CD244: variants seen among roughly 807,000 people sequenced by gnomAD.
The protein encoded by CD244 is CD244 molecule, also known as natural killer cell receptor 2B4.
A neutral mutation model predicts 45.5 loss-of-function variants in CD244; 20 were observed. The observed-to-expected ratio is 0.44, with a 90% CI of 0.31 to 0.64. The LOEUF is 0.64. Among genes scored for constraint, CD244 ranks in the 30% least tolerant of loss-of-function variants. The pLI, the probability that CD244 is intolerant of heterozygous loss-of-function variation, is 0.08. For synonymous variants in CD244, 185 were observed against 160.5 expected, an observed-to-expected ratio of 1.15 and a Z score of -1.15; for missense variants, 407 against 426.9, an observed-to-expected ratio of 0.95 and a Z score of 0.41.
chr1:160,849,283 C>CTTTTTT (rs371170555), intron 1 of CD244, among the ~76,000 whole-genome samples: 10,260 of 138,994 alleles, frequency 0.074, 378 homozygotes, highest in Non-Finnish European at 0.087. Flanking sequence ...CCATCTCTTT[C>CTTTTTT]TTTTTTTTTT....
At chr1:160,847,010 T>C (rs1396107214) in intron 1 of CD244, among the ~76,000 whole-genome samples, 1 of 143,828 alleles carries the variant, frequency 7.0e-6, no homozygotes, top group East Asian at 2.0e-4. Context: ...GAGAAGGGAA[T>C]CAAAAAGATG....
chr1:160,843,808 A>C (rs1245008624), intron 1 of CD244, among the ~76,000 whole-genome samples: 2 of 152,244 alleles, frequency 1.3e-5, no homozygotes, highest in East Asian at 3.8e-4. Flanking sequence ...TGAGATCAGC[A>C]TTTCTGACTG....
chr1:160,838,873 C>T (rs938277590), intron 4 of CD244, 66 bp downstream of exon 4: 32 of 1,057,082 alleles, frequency 3.0e-5, no homozygotes, highest in African/African-American at 6.3e-5. Context: ...TCCCACTGGA[C>T]GCAGGACAAA....
chr1:160,849,586 C>T (rs1325252995), intron 1 of CD244, among the ~76,000 whole-genome samples: 2 of 152,088 alleles, frequency 1.3e-5, no homozygotes, highest in African/African-American at 2.4e-5. Flanking sequence ...TTGCTGAGAA[C>T]GATGGCTTCC....
intron 1 of CD244, among the ~76,000 whole-genome samples, chr1:160,860,351 A>G (rs1670252806): frequency 6.6e-6 from 1 of 152,254 alleles, no homozygotes; most frequent in Admixed American, 6.5e-5. Context: ...CAATATCATG[A>G]AAGATGAAGA....
At chr1:160,855,666 A>C (rs965295371) in intron 1 of CD244, among the ~76,000 whole-genome samples, 1 of 152,208 alleles carries the variant, frequency 6.6e-6, no homozygotes, top group African/African-American at 2.4e-5. Flanking sequence ...TAGAGGAAAG[A>C]GGCCACAGTC....
At chr1:160,853,018 C>G (rs11265495) in intron 1 of CD244, among the ~76,000 whole-genome samples, 1 of 151,314 alleles carries the variant, frequency 6.6e-6, no homozygotes, top group Admixed American at 6.6e-5. Context: ...AGTGAAACTC[C>G]GTCTCAAAAA....
intron 3 of CD244, among the ~76,000 whole-genome samples, chr1:160,839,553 A>T (rs907642862): frequency 2.6e-5 from 4 of 152,204 alleles, no homozygotes; most frequent in Non-Finnish European, 1.5e-5. Flanking sequence ...TTATTCCCTA[A>T]ACAATACAGT....
In CD244 at chr1:160,841,294, T is replaced by A; in HGVS notation, c.571A>T (p.Thr191Ser). 1 of 1,614,172 alleles carries A rather than the reference T, an allele frequency of 6.2e-7. No homozygotes were observed. Among genetic ancestry groups the A allele is most frequent in the Non-Finnish European group, 8.5e-7 (1 of 1,180,022 alleles). ...DEEVDINGTH[T>S]YTCNVSNPVS... ...GGATTGCTGACATTGCAGGTATATG[T>A]GTGAGTGCCATTAATGTCAACCTCC... The change falls in exon 3 of 9, where the codon ACA (threonine) becomes TCA (serine). Residue 191 changes from threonine to serine, a missense_variant. By Grantham distance (58) the Thr-to-Ser change is moderately conservative. Transcript: ENST00000368034.
At chr1:160,860,761 G>A (rs577335257) in intron 1 of CD244, among the ~76,000 whole-genome samples, 174 of 152,312 alleles carry the variant, frequency 1.1e-3, no homozygotes, top group South Asian at 5.6e-3. Context: ...TTCAAGAATC[G>A]TTTGAACTAT....
In CD244 at chr1:160,853,366, A is replaced by AG. The variant is rs529970815; in HGVS notation, c.61+9250dup. On this transcript the variant is annotated intron_variant, in intron 1 of 8. Transcript: ENST00000368034. ...GTTAGAATGTGATTACCCTTGCAGGAGGGGGGTTATCAACTTGAAGGGCCA... is the reference window on the plus strand; with the variant it reads ...GTTAGAATGTGATTACCCTTGCAGGAGGGGGGGTTATCAACTTGAAGGGCCA... Among the ~76,000 whole-genome samples, 354 of 152,258 alleles carry AG rather than the reference A, an allele frequency of 2.3e-3. 2 individuals carry two copies. The highest frequency in any genetic ancestry group is 2.2e-3 in the Non-Finnish European group (147 of 68,014).
At chr1:160,843,358 C>A (rs1269512717) in intron 1 of CD244, among the ~76,000 whole-genome samples, 1 of 152,144 alleles carries the variant, frequency 6.6e-6, no homozygotes, top group East Asian at 1.9e-4. Flanking sequence ...TTTATAAGAA[C>A]AAGTCAACCT....
At chr1:160,839,494 G>GA (rs959081485) in intron 3 of CD244, among the ~76,000 whole-genome samples, 3 of 152,094 alleles carry the variant, frequency 2.0e-5, no homozygotes, top group South Asian at 2.1e-4. Context: ...AATATTCAGG[G>GA]AAAAAAAATG....
At chr1:160,832,329 G>A (rs1217457317) in intron 8 of CD244, among the ~76,000 whole-genome samples, 190 bp downstream of exon 8, 1 of 151,984 alleles carries the variant, frequency 6.6e-6, no homozygotes, top group Non-Finnish European at 1.5e-5. Flanking sequence ...TATGATCTTG[G>A]GTCAGACCCT....
chr1:160,849,335 G>A (rs1669842857), intron 1 of CD244, among the ~76,000 whole-genome samples: 1 of 142,468 alleles, frequency 7.0e-6, no homozygotes, highest in African/African-American at 2.6e-5. Context: ...TGCAGAACAT[G>A]CAGATTTGTT....
intron 5 of CD244, among the ~76,000 whole-genome samples, chr1:160,836,898 A>G (rs1359716290): frequency 1.3e-5 from 2 of 152,216 alleles, no homozygotes; most frequent in African/African-American, 4.8e-5. Context: ...GGCAAGGTGC[A>G]AGCAAAATTC....
At chr1:160,838,629 GA>G in intron 4 of CD244, 111 bp from the exon 5 acceptor site, 1 of 808,766 alleles carries the variant, frequency 1.2e-6, no homozygotes. Context: ...AAAGGTTCTA[GA>G]AAGGAGGCAA....
rs369253551 is a variant in CD244, at chr1:160,841,938, A to G, written c.62-37T>C. 3 of 1,588,766 alleles carry G rather than the reference A, an allele frequency of 1.9e-6. No individual in the cohort carries two copies. The African/African-American group carries it at 4.0e-5, about 21-fold the overall frequency. ...AACCCAAGCTGAAAGTAGCGGGAAGAGTGTCAGGCCTGAGCAATGTGGGCA... is the reference window on the plus strand; with the variant it reads ...AACCCAAGCTGAAAGTAGCGGGAAGGGTGTCAGGCCTGAGCAATGTGGGCA... On this transcript the variant is annotated intron_variant, in intron 1 of 8. Transcript: ENST00000368034.
At chr1:160,831,952 A>G (rs1026436652) in intron 8 of CD244, among the ~76,000 whole-genome samples, 1 of 152,178 alleles carries the variant, frequency 6.6e-6, no homozygotes, top group Non-Finnish European at 1.5e-5. Flanking sequence ...AAATAAAATA[A>G]TCCATGTGAA....
Sources: gnomAD v4.1 joint callset for allele counts (sites outside exome capture counted in the v4.1 genomes callset) on GRCh38, gnomAD v4.1.1 for gene constraint, MANE v1.5 for transcripts, NCBI Gene and HGNC (gene_info 2026-07-23, HGNC 2026-07-21) for gene names.